The following KCTD1 variants were observed in gnomAD, a reference collection of about 807,000 sequenced individuals.
KCTD1 encodes BTB/POZ domain-containing protein KCTD1.
In KCTD1, 24 loss-of-function variants were observed where a neutral mutation model predicts 66.0. The observed-to-expected ratio is 0.36, with a 90% CI of 0.26 to 0.51. The LOEUF (loss-of-function observed/expected upper bound fraction) is 0.51, where lower values mean the gene tolerates loss of function less well. KCTD1 is among the 20% of genes least tolerant of loss of function. The pLI is 0.95. For synonymous variants in KCTD1, 511 were observed against 517.2 expected, an observed-to-expected ratio of 0.99 and a Z score of 0.16; for missense variants, 943 against 1,205.2, an observed-to-expected ratio of 0.78 and a Z score of 3.22.
intron 3 of KCTD1, among the ~76,000 whole-genome samples, chr18:26,467,216 TA>T (rs1026182778): frequency 1.8e-4 from 27 of 152,014 alleles, no homozygotes; most frequent in Non-Finnish European, 3.4e-4. Context: ...AAAATGTTAT[TA>T]AAAATAAACA....
At chr18:26,460,029 A>G (rs1215102728) in intron 3 of KCTD1, 104 bp from the exon 4 acceptor site, 8 of 843,986 alleles carry the variant, frequency 9.5e-6, no homozygotes, top group Non-Finnish European at 1.5e-5. Context: ...TATGTCACTA[A>G]TCAAATCTGC....
chr18:26,524,183 G>T (rs1984046364), intron 1 of KCTD1, among the ~76,000 whole-genome samples: 1 of 152,234 alleles, frequency 6.6e-6, no homozygotes, highest in Non-Finnish European at 1.5e-5. Flanking sequence ...CACATTGCCT[G>T]CTTTCCAGCA....
intron 2 of KCTD1, among the ~76,000 whole-genome samples, chr18:26,497,921 T>C (rs1982562332): frequency 6.6e-6 from 1 of 152,138 alleles, no homozygotes; most frequent in Admixed American, 6.5e-5. Flanking sequence ...AGAATCCAGA[T>C]GTAAAGCTGC....
At chr18:26,492,040 G>A (rs1274476793) in intron 2 of KCTD1, among the ~76,000 whole-genome samples, 8 of 152,168 alleles carry the variant, frequency 5.3e-5, no homozygotes, top group South Asian at 2.1e-4. Flanking sequence ...CCAGGAGTTC[G>A]AGACCAGCCT....
At chr18:26,576,361 T>C (rs1986225864) in intron 1 of KCTD1, among the ~76,000 whole-genome samples, 1 of 152,228 alleles carries the variant, frequency 6.6e-6, no homozygotes, top group Non-Finnish European at 1.5e-5. Context: ...ACTCCCTTGC[T>C]GAGATTTGGG....
chr18:26,657,237 G>T, intron 1 of KCTD1: 1 of 721,996 alleles, frequency 1.4e-6, no homozygotes, highest in Non-Finnish European at 1.7e-6. Flanking sequence ...GGCGGGCGGC[G>T]TGTGTGCGAG....
At chr18:26,647,337 C>CCG (rs544940665) in intron 1 of KCTD1, among the ~76,000 whole-genome samples, 11 of 60,846 alleles carry the variant, frequency 1.8e-4, no homozygotes, top group East Asian at 6.1e-4. Flanking sequence ...TGAAACCCCC[C>CCG]CCCCATCTCT....
intron 1 of KCTD1, among the ~76,000 whole-genome samples, chr18:26,636,291 A>G (rs1987722077): frequency 6.6e-6 from 1 of 152,176 alleles, no homozygotes; most frequent in Admixed American, 6.5e-5. Flanking sequence ...ACAAAGTCAT[A>G]GAGAAACACT....
intron 4 of KCTD1, chr18:26,458,428 G>GA (rs1418618879): frequency 6.6e-6 from 1 of 152,108 alleles, no homozygotes; most frequent in African/African-American, 2.4e-5. Context: ...TAAAAAGAGG[G>GA]AAAAAACTAG....
rs754784411 is a variant in KCTD1, at chr18:26,459,806, G to A, written c.2253C>T (p.Leu751=). ...CGAGGTCTGGGGCCACACGCACGAC[G>A]AGGCACTCACAGGGCCTTGAAAATC... ...TGRFSRPCEC[L]VVRVAPDLGE... Residue 751 remains leucine (L), a synonymous_variant, in exon 4 of 5, where the codon CTC becomes CTT. Coordinates refer to ENST00000580059, the MANE Select transcript of KCTD1 (RefSeq NM_001142730.3). 15 of 1,614,050 alleles carry A rather than the reference G, an allele frequency of 9.3e-6. No homozygotes were observed. Among genetic ancestry groups the A allele is most frequent in the East Asian group, 4.5e-5 (2 of 44,888 alleles).
intron 1 of KCTD1, among the ~76,000 whole-genome samples, chr18:26,581,001 A>G (rs1484958761): frequency 6.6e-6 from 1 of 152,182 alleles, no homozygotes; most frequent in Non-Finnish European, 1.5e-5. Context: ...TTTGGTCCAT[A>G]AGACAAAGTC....
intron 2 of KCTD1, among the ~76,000 whole-genome samples, chr18:26,494,640 T>A (rs1226165583): frequency 6.6e-6 from 1 of 152,162 alleles, no homozygotes; most frequent in African/African-American, 2.4e-5. Flanking sequence ...ACCATTTCAT[T>A]TACTCTTTAC....
intron 2 of KCTD1, among the ~76,000 whole-genome samples, chr18:26,500,241 C>G (rs868754240): frequency 1.2e-4 from 18 of 151,474 alleles, no homozygotes; most frequent in Admixed American, 3.3e-4. Flanking sequence ...CACAGTCTGA[C>G]CCTGTCTCTA....
intron 1 of KCTD1, among the ~76,000 whole-genome samples, chr18:26,617,153 G>A (rs754441666): frequency 1.3e-5 from 2 of 152,216 alleles, no homozygotes; most frequent in Non-Finnish European, 1.5e-5. Context: ...GAACCTGTGA[G>A]TAGTGGACTC....
chr18:26,500,238 T>G (rs1483113219), intron 2 of KCTD1, among the ~76,000 whole-genome samples: 1 of 151,538 alleles, frequency 6.6e-6, no homozygotes, highest in Non-Finnish European at 1.5e-5. Context: ...GAACACAGTC[T>G]GACCCTGTCT....
At chr18:26,600,803 C>G (rs1986877260) in intron 1 of KCTD1, among the ~76,000 whole-genome samples, 1 of 151,966 alleles carries the variant, frequency 6.6e-6, no homozygotes, top group African/African-American at 2.4e-5. Flanking sequence ...GTCTCACAAC[C>G]TCCTCAGGGC....
chr18:26,504,227 G>A (rs575448418), intron 1 of KCTD1, among the ~76,000 whole-genome samples: 2 of 151,942 alleles, frequency 1.3e-5, no homozygotes, highest in African/African-American at 2.4e-5. Context: ...GTGCCACCAC[G>A]CTCAGCTAAC....
chr18:26,469,065 C>G (rs967146528), intron 3 of KCTD1, among the ~76,000 whole-genome samples: 1 of 152,204 alleles, frequency 6.6e-6, no homozygotes, highest in Non-Finnish European at 1.5e-5. Flanking sequence ...CTGCCCCTCC[C>G]AGGTCCCAGA....
intron 1 of KCTD1, chr18:26,544,942 T>C (rs1244907765): frequency 6.6e-6 from 1 of 152,188 alleles, no homozygotes; most frequent in African/African-American, 2.4e-5. Flanking sequence ...CTGACAATAA[T>C]GCAAGAATAA....
Sources: allele counts gnomAD v4.1 joint callset (sites outside exome capture counted in the v4.1 genomes callset), GRCh38; gene constraint gnomAD v4.1.1; transcripts MANE v1.5; gene names NCBI Gene and HGNC (gene_info 2026-07-23, HGNC 2026-07-21).